The following MREG variants were observed in gnomAD, a reference collection of about 807,000 sequenced individuals.
MREG encodes the protein dilute suppressor protein homolog.
Under a neutral mutation model 28.5 loss-of-function variants are expected in MREG, and 31 were observed. That is an observed-to-expected ratio of 1.09 (90% CI 0.82 to 1.47). MREG has a LOEUF of 1.47. Among genes scored for constraint, MREG ranks in the 40% most tolerant of loss-of-function variants. The pLI, the probability that MREG is intolerant of heterozygous loss-of-function variation, is 0.00. For synonymous variants in MREG, 106 were observed against 95.2 expected, an observed-to-expected ratio of 1.11 and a Z score of -0.66; for missense variants, 256 against 257.4, an observed-to-expected ratio of 0.99 and a Z score of 0.04.
chr2:215,959,971 T>TG (rs1161680078), intron 2 of MREG, among the ~76,000 whole-genome samples: 5 of 152,082 alleles, frequency 3.3e-5, no homozygotes, highest in Non-Finnish European at 5.9e-5. Flanking sequence ...CTTTTTTTTT[T>TG]TTGAGACGGA....
chr2:215,999,710 C>T (rs921227289), intron 1 of MREG, among the ~76,000 whole-genome samples: 1 of 152,122 alleles, frequency 6.6e-6, no homozygotes, highest in Non-Finnish European at 1.5e-5. Context: ...CCAGCAGCAT[C>T]AGAGAGCGGG....
upstream of MREG, among the ~76,000 whole-genome samples, chr2:216,013,880 T>C (rs1574656566): frequency 7.2e-6 from 1 of 138,372 alleles, no homozygotes; most frequent in East Asian, 1.9e-4. Flanking sequence ...AGAGTAAAAG[T>C]TACCAAAAGA....
intron 1 of MREG, among the ~76,000 whole-genome samples, chr2:216,005,444 CTTTTTTTTTTTTT>C (rs58288878): frequency 9.3e-5 from 8 of 86,330 alleles, no homozygotes; most frequent in East Asian, 3.5e-4. Flanking sequence ...TCTAGTTATT[CTTTTTTTTTTTTT>C]TTTTTTTTTT....
intron 1 of MREG, among the ~76,000 whole-genome samples, chr2:216,018,990 G>A (rs1291031770): frequency 2.0e-5 from 3 of 152,162 alleles, no homozygotes; most frequent in African/African-American, 7.2e-5. Flanking sequence ...ACTCAAAGTT[G>A]GAAAACAGCT....
intron 2 of MREG, among the ~76,000 whole-genome samples, chr2:215,973,763 C>T (rs981512425): frequency 6.6e-6 from 1 of 152,182 alleles, no homozygotes; most frequent in Admixed American, 6.6e-5. Context: ...TTTGGTTGTG[C>T]TGCAACAGGC....
At chr2:215,956,345 A>C (rs535675496) in intron 2 of MREG, among the ~76,000 whole-genome samples, 39 of 152,178 alleles carry the variant, frequency 2.6e-4, no homozygotes, top group Non-Finnish European at 4.9e-4. Flanking sequence ...ACATCTATCT[A>C]TCTATCTACC....
chr2:215,998,002 G>A (rs377510989), intron 1 of MREG, among the ~76,000 whole-genome samples: 37 of 152,178 alleles, frequency 2.4e-4, no homozygotes, highest in African/African-American at 7.7e-4. Flanking sequence ...GCCAATCACC[G>A]CCTCAAATTT....
chr2:215,947,866 C>T (rs777501361), intron 2 of MREG, among the ~76,000 whole-genome samples: 4 of 152,160 alleles, frequency 2.6e-5, no homozygotes, highest in Admixed American at 6.5e-5. Flanking sequence ...TGTTCCAATA[C>T]AGAACTTGAA....
intron 2 of MREG, among the ~76,000 whole-genome samples, chr2:215,971,078 T>C (rs1574612644): frequency 6.6e-6 from 1 of 151,364 alleles, no homozygotes; most frequent in Admixed American, 6.6e-5. Context: ...TAAGTGGGAG[T>C]TGAACAATGA....
At chr2:215,963,115 G>A (rs958995606) in intron 2 of MREG, among the ~76,000 whole-genome samples, 1 of 151,920 alleles carries the variant, frequency 6.6e-6, no homozygotes, top group Non-Finnish European at 1.5e-5. Flanking sequence ...GTGACAGAGC[G>A]AGACCCTGTC....
At chr2:215,995,913 A>G (rs1237031721) in intron 2 of MREG, among the ~76,000 whole-genome samples, 1 of 152,230 alleles carries the variant, frequency 6.6e-6, no homozygotes, top group Non-Finnish European at 1.5e-5. Context: ...GGCTTCACTA[A>G]TTCAAAATTA....
chr2:216,029,641 A>T (rs1694649421), intron 1 of MREG, among the ~76,000 whole-genome samples: 1 of 152,244 alleles, frequency 6.6e-6, no homozygotes, highest in African/African-American at 2.4e-5. Context: ...AAATACAAGG[A>T]TGCTAAGTCA....
intron 2 of MREG, among the ~76,000 whole-genome samples, chr2:215,949,389 G>A (rs1348223989): frequency 3.3e-5 from 5 of 150,996 alleles, no homozygotes; most frequent in South Asian, 4.2e-4. Flanking sequence ...GTGAAACCCC[G>A]TCTCTACTAA....
At chr2:216,030,927 TTCTCTCTCTC>T (rs113417580) in intron 1 of MREG, among the ~76,000 whole-genome samples, 9,598 of 130,506 alleles carry the variant, frequency 0.074, 372 homozygotes, top group South Asian at 0.098. Context: ...ATGAGGCCCA[TTCTCTCTCTC>T]TCTCTCTCTC....
chr2:216,031,677 AAGAAAGAAAGAAAG>A (rs753353177), intron 1 of MREG, among the ~76,000 whole-genome samples: 1,119 of 49,598 alleles, frequency 0.023, 11 homozygotes, highest in African/African-American at 0.067. Context: ...GAAAGAAAGA[AAGAAAGAAAGAAAG>A]AGAAAGAAAG....
rs554007848 is a variant in MREG at position 215,964,450 on chromosome 2, C to T, written c.256-17337G>A. Reference sequence around the variant, plus strand: ...AGTGAGCCAAGATTACACCACCGCACGCTAGCCTGGATGACAGTAAGACTC... The same window carrying T: ...AGTGAGCCAAGATTACACCACCGCATGCTAGCCTGGATGACAGTAAGACTC... On this transcript the variant is annotated intron_variant, in intron 2 of 4. Transcript: ENST00000263268. Among the ~76,000 whole-genome samples, 11 of 151,148 alleles carry T rather than the reference C, an allele frequency of 7.3e-5. No homozygotes were observed. In the South Asian group the frequency reaches 1.9e-3, roughly 26 times the overall value.
intron 3 of MREG, 42 bp downstream of exon 3, chr2:215,946,978 CACA>C (rs1206473375): frequency 1.6e-5 from 18 of 1,114,576 alleles, no homozygotes; most frequent in Admixed American, 3.8e-5. Flanking sequence ...GAATAATGAT[CACA>C]ACGAGTTATT....
chr2:215,943,970 CTTTTTTTTTTTTTTTTTT>C lies in MREG; in HGVS notation c.*875_*892del, dbSNP rs869259776. 1 of 65,226 alleles carries C rather than the reference CTTTTTTTTTTTTTTTTTT, an allele frequency of 1.5e-5. No individual in the cohort carries two copies. The highest frequency in any genetic ancestry group is 2.7e-5 in the Non-Finnish European group (1 of 37,590). The allele number at this position is 65,226 out of a possible 1,614,324, so 4.0% of individuals were successfully genotyped here. Reference sequence around the variant, plus strand: ...AAGTACAACACATGAATACATAACTCTTTTTTTTTTTTTTTTTTTTTTTTTTTGAGACGGAGTCTCGCT... The same window carrying C: ...AAGTACAACACATGAATACATAACTCTTTTTTTTTGAGACGGAGTCTCGCT... On this transcript the variant is annotated 3_prime_UTR_variant, in exon 5 of 5. Transcript: ENST00000263268.
chr2:216,003,863 G>A (rs1010506214), intron 1 of MREG, among the ~76,000 whole-genome samples: 1 of 152,168 alleles, frequency 6.6e-6, no homozygotes. Flanking sequence ...TTTATGTTTT[G>A]CATAAGAATT....
Sources: allele counts gnomAD v4.1 joint callset (sites outside exome capture counted in the v4.1 genomes callset), GRCh38; gene constraint gnomAD v4.1.1; transcripts MANE v1.5; gene names NCBI Gene and HGNC (gene_info 2026-07-23, HGNC 2026-07-21).